The following DOCK4 variants were observed in gnomAD, a reference collection of about 807,000 sequenced individuals.
DOCK4 encodes the protein dedicator of cytokinesis protein 4.
In DOCK4, 97 loss-of-function variants were observed where a neutral mutation model predicts 268.1. The ratio of observed to expected loss-of-function variants is 0.36; its 90% CI spans 0.31 to 0.43. DOCK4 has a LOEUF of 0.43. DOCK4 is among the 20% of genes least tolerant of loss of function. DOCK4 has a pLI of 1.00. For missense variants in DOCK4, 2,145 were observed against 2,455.7 expected, an observed-to-expected ratio of 0.87 and a Z score of 2.67; for synonymous variants, 954 against 887.2, an observed-to-expected ratio of 1.08 and a Z score of -1.34.
At chr7:111,777,007 G>A (rs899907268) in intron 36 of DOCK4, among the ~76,000 whole-genome samples, 1 of 152,112 alleles carries the variant, frequency 6.6e-6, no homozygotes, top group Admixed American at 6.5e-5. Context: ...TGGTGGAGAC[G>A]GGGGTTTTGC....
chr7:111,737,982 G>A (rs887647958), intron 49 of DOCK4, among the ~76,000 whole-genome samples: 1 of 152,182 alleles, frequency 6.6e-6, no homozygotes, highest in African/African-American at 2.4e-5. Flanking sequence ...AACCAATGAA[G>A]CCAAATCCCA....
intron 23 of DOCK4, among the ~76,000 whole-genome samples, chr7:111,857,479 A>C (rs1042753185): frequency 6.6e-6 from 1 of 152,218 alleles, no homozygotes; most frequent in African/African-American, 2.4e-5. Context: ...CCAGTGGTAC[A>C]TGATCAGTGC....
At chr7:112,057,334 T>C (rs1404000630) in intron 1 of DOCK4, among the ~76,000 whole-genome samples, 2 of 152,078 alleles carry the variant, frequency 1.3e-5, no homozygotes, top group Non-Finnish European at 2.9e-5. Flanking sequence ...GTGAATCAAC[T>C]GAGCTCAGGA....
At chr7:111,947,104 A>G (rs1476604212) in intron 8 of DOCK4, among the ~76,000 whole-genome samples, 3 of 152,230 alleles carry the variant, frequency 2.0e-5, no homozygotes, top group Non-Finnish European at 4.4e-5. Context: ...AGCTTTGGTC[A>G]GTGTAGCTTC....
chr7:111,941,732 A>G (rs921666698), intron 10 of DOCK4, among the ~76,000 whole-genome samples: 18 of 152,144 alleles, frequency 1.2e-4, no homozygotes, highest in Admixed American at 1.1e-3. Context: ...ACACATTTCA[A>G]TCCTTTTTTG....
intron 1 of DOCK4, among the ~76,000 whole-genome samples, chr7:112,074,446 A>C (rs752519079): frequency 6.6e-6 from 1 of 152,166 alleles, no homozygotes; most frequent in Non-Finnish European, 1.5e-5. Flanking sequence ...TTGTCTACCA[A>C]CTACAAATTC....
chr7:111,970,981 A>G (rs963244988), intron 8 of DOCK4, among the ~76,000 whole-genome samples: 2 of 152,196 alleles, frequency 1.3e-5, no homozygotes, highest in African/African-American at 4.8e-5. Context: ...TTCAATGACA[A>G]GTTCTTATCA....
intron 1 of DOCK4, among the ~76,000 whole-genome samples, chr7:112,142,894 C>T (rs1815069357): frequency 6.6e-6 from 1 of 152,006 alleles, no homozygotes; most frequent in African/African-American, 2.4e-5. Context: ...TTTACTATTG[C>T]ATAGCACAGG....
chr7:112,103,481 A>T (rs1336087865), intron 1 of DOCK4, among the ~76,000 whole-genome samples: 2 of 152,222 alleles, frequency 1.3e-5, no homozygotes, highest in East Asian at 3.8e-4. Flanking sequence ...AGCTTTATTT[A>T]CTTAGGCAAA....
chr7:111,884,214 G>A (rs1284807634), intron 16 of DOCK4, among the ~76,000 whole-genome samples: 1 of 152,180 alleles, frequency 6.6e-6, no homozygotes, highest in Non-Finnish European at 1.5e-5. Context: ...AAATACTGGA[G>A]ATTTTTAAGG....
intron 49 of DOCK4, among the ~76,000 whole-genome samples, 182 bp downstream of exon 49, chr7:111,738,952 A>G (rs1487598349): frequency 2.0e-5 from 3 of 151,772 alleles, no homozygotes; most frequent in African/African-American, 7.3e-5. Flanking sequence ...AAAAAAAAAA[A>G]GATGGCTCAG....
intron 25 of DOCK4, 114 bp from the exon 26 acceptor site, chr7:111,834,800 G>T: frequency 3.0e-6 from 2 of 661,910 alleles, no homozygotes; most frequent in South Asian, 2.9e-5. Context: ...AAATCACGAT[G>T]ATCCAAACTT....
intron 1 of DOCK4, among the ~76,000 whole-genome samples, chr7:112,048,173 A>G (rs1194421130): frequency 6.6e-6 from 1 of 152,106 alleles, no homozygotes; most frequent in African/African-American, 2.4e-5. Context: ...AGCTTAATGA[A>G]GCACATGCAT....
chr7:111,790,651 A>G, intron 30 of DOCK4, 46 bp from the exon 31 acceptor site: 1 of 1,496,328 alleles, frequency 6.7e-7, no homozygotes, highest in East Asian at 2.5e-5. Flanking sequence ...CAATCTTAAT[A>G]TGATTTCAGA....
At chr7:112,194,193 ACT>A (rs1345065848) in intron 1 of DOCK4, among the ~76,000 whole-genome samples, 2 of 151,994 alleles carry the variant, frequency 1.3e-5, no homozygotes, top group African/African-American at 4.8e-5. Context: ...CAAATTGTTG[ACT>A]CTCTATGTTG....
intron 1 of DOCK4, among the ~76,000 whole-genome samples, chr7:112,086,777 A>G (rs1186653667): frequency 6.6e-6 from 1 of 152,122 alleles, no homozygotes; most frequent in Non-Finnish European, 1.5e-5. Flanking sequence ...AAGCACACTA[A>G]ATGTTGACTC....
chr7:111,871,282 C>A (rs1806409573), intron 20 of DOCK4, among the ~76,000 whole-genome samples: 1 of 152,162 alleles, frequency 6.6e-6, no homozygotes, highest in African/African-American at 2.4e-5. Context: ...GGGTACACTC[C>A]AAGGCTATTT....
At chr7:112,034,330 A>G (rs1361621697) in intron 1 of DOCK4, among the ~76,000 whole-genome samples, 1 of 152,224 alleles carries the variant, frequency 6.6e-6, no homozygotes, top group Non-Finnish European at 1.5e-5. Flanking sequence ...GGAAAGGAAT[A>G]AAACTCTAGC....
At chr7:111,951,663 A>G (rs1796060794) in intron 8 of DOCK4, among the ~76,000 whole-genome samples, 1 of 148,270 alleles carries the variant, frequency 6.7e-6, no homozygotes, top group Non-Finnish European at 1.5e-5. Flanking sequence ...AAAAAAAAAA[A>G]GAAGAAGAAA....
Sources: gnomAD v4.1 joint callset for allele counts (sites outside exome capture counted in the v4.1 genomes callset) on GRCh38, gnomAD v4.1.1 for gene constraint, MANE v1.5 for transcripts, NCBI Gene and HGNC (gene_info 2026-07-23, HGNC 2026-07-21) for gene names.